CAMTA1: variants seen among roughly 807,000 people sequenced by gnomAD.
CAMTA1 encodes calmodulin-binding transcription activator 1.
Under a neutral mutation model 170.9 loss-of-function variants are expected in CAMTA1, and 27 were observed. That is an observed-to-expected ratio of 0.16 (90% CI 0.12 to 0.22). CAMTA1 has a LOEUF of 0.22. Among genes scored for constraint, CAMTA1 ranks in the 10% least tolerant of loss-of-function variants. The pLI, the probability that CAMTA1 is intolerant of heterozygous loss-of-function variation, is 1.00. For missense variants in CAMTA1, 1,619 were observed against 2,217.2 expected (o/e 0.73, Z 5.42); for synonymous variants, 833 against 891.5 (o/e 0.93, Z 1.17).
At chr1:7,758,519 G>A (rs544981738) in intron 22 of CAMTA1, among the ~76,000 whole-genome samples, 5 of 152,240 alleles carry the variant, frequency 3.3e-5, no homozygotes, top group Admixed American at 1.3e-4. Flanking sequence ...TCTCTCCCTC[G>A]TTCTTCCATC....
intron 3 of CAMTA1, among the ~76,000 whole-genome samples, chr1:7,025,496 G>T (rs971965626): frequency 2.0e-5 from 3 of 152,316 alleles, no homozygotes; most frequent in Middle Eastern, 3.4e-3. Flanking sequence ...TGGCCTTACT[G>T]GGGTGGGGGA....
At chr1:7,387,518 C>T (rs1172028495) in intron 5 of CAMTA1, among the ~76,000 whole-genome samples, 5 of 152,206 alleles carry the variant, frequency 3.3e-5, no homozygotes, top group Non-Finnish European at 7.3e-5. Flanking sequence ...GTCCCAGCTG[C>T]CCTAGACCCC....
intron 4 of CAMTA1, among the ~76,000 whole-genome samples, chr1:7,103,832 AACT>A (rs200926870): frequency 0.46 from 62,412 of 136,696 alleles, 13,666 homozygotes; most frequent in African/African-American, 0.62. Flanking sequence ...ATGCACACAC[AACT>A]ACACACATGT....
chr1:7,047,648 T>C (rs1456267976), intron 3 of CAMTA1, among the ~76,000 whole-genome samples: 5 of 152,088 alleles, frequency 3.3e-5, no homozygotes, highest in Non-Finnish European at 5.9e-5. Context: ...AGTGGTTGCA[T>C]GTCTCGAAGC....
chr1:7,122,754 A>G (rs1644718515), intron 4 of CAMTA1, among the ~76,000 whole-genome samples: 1 of 152,106 alleles, frequency 6.6e-6, no homozygotes, highest in Non-Finnish European at 1.5e-5. Flanking sequence ...TGCGCCTCCC[A>G]TGCCCATCTT....
At chr1:7,431,682 C>T (rs921547687) in intron 5 of CAMTA1, among the ~76,000 whole-genome samples, 1 of 152,226 alleles carries the variant, frequency 6.6e-6, no homozygotes, top group Non-Finnish European at 1.5e-5. Context: ...TACCCCAGCC[C>T]ATCTGCAGAT....
At chr1:6,926,411 C>CTT (rs1557837141) in intron 3 of CAMTA1, among the ~76,000 whole-genome samples, 3 of 144,878 alleles carry the variant, frequency 2.1e-5, no homozygotes, top group African/African-American at 7.6e-5. Flanking sequence ...TCCCTCCTCT[C>CTT]TCTTTTCTTT....
intron 1 of CAMTA1, among the ~76,000 whole-genome samples, chr1:6,797,542 C>T (rs1343041299): frequency 1.3e-5 from 2 of 151,802 alleles, no homozygotes; most frequent in Non-Finnish European, 2.9e-5. Context: ...TGCACCACCA[C>T]GCCTAGCTAA....
chr1:7,573,544 C>T (rs2095150512), intron 6 of CAMTA1, among the ~76,000 whole-genome samples: 1 of 152,208 alleles, frequency 6.6e-6, no homozygotes, highest in African/African-American at 2.4e-5. Flanking sequence ...TGTCCAAAAC[C>T]ACAGCGCCAG....
Position 7,004,841 on chromosome 1 carries a change from C to T in CAMTA1, c.235-86463C>T, listed in dbSNP as rs58530785. On this transcript the variant is annotated intron_variant, in intron 3 of 22. Transcript: ENST00000303635. The stretch of plus-strand genomic sequence containing the variant: ...AGAGTGCAATGGCACGATCTCAGCT[C>T]ACTGTAACTTCTGCCTCCCAGGTTC... 3.9e-3 allele frequency among the ~76,000 whole-genome samples: 597 copies of T among 152,360 alleles called. 5 individuals are homozygous for T. Among genetic ancestry groups the T allele is most frequent in the African/African-American group, 0.014 (584 of 41,584 alleles).
rs575311777 is a variant in CAMTA1 at position 7,729,867 on chromosome 1, C to T, written c.2915-2581C>T. ...TTTTCTCTCACATGGAACCGTCGTA[C>T]GCTTTGCTCGCTAGTCTTGGAATTT... On this transcript the variant is annotated intron_variant, in intron 11 of 22. Transcript: ENST00000303635. 1.2e-4 allele frequency among the ~76,000 whole-genome samples: 18 copies of T among 152,340 alleles called. No homozygotes were observed. In the South Asian group the frequency reaches 2.3e-3, roughly 19 times the overall value.
rs2149353862 is a variant in CAMTA1, at chr1:7,685,748, T to C, written c.2914+8015T>C. Among the ~76,000 whole-genome samples the C allele has an allele frequency of 6.6e-6, 1 of 152,324 alleles. No homozygotes were observed. Among genetic ancestry groups the C allele is most frequent in the Middle Eastern group, 3.4e-3 (1 of 294 alleles). On this transcript the variant is annotated intron_variant, in intron 11 of 22. Coordinates refer to ENST00000303635, the MANE Select transcript of CAMTA1 (RefSeq NM_015215.4). The surrounding 1 kb of genome is among the most constrained non-coding windows in gnomAD (Gnocchi z 5.7). ...GATGGCTGCCCCTCTGTTTGTCTTCTTGGATCCAGGCCATCCATCTAACGG... is the reference window on the plus strand; with the variant it reads ...GATGGCTGCCCCTCTGTTTGTCTTCCTGGATCCAGGCCATCCATCTAACGG...
At chr1:7,253,325 T>G (rs1666899039) in intron 5 of CAMTA1, among the ~76,000 whole-genome samples, 1 of 152,084 alleles carries the variant, frequency 6.6e-6, no homozygotes, top group Admixed American at 6.6e-5. Flanking sequence ...TAGTCAGAGG[T>G]GATGCTGTTC....
intron 4 of CAMTA1, among the ~76,000 whole-genome samples, chr1:7,135,514 G>A (rs1645491736): frequency 6.6e-6 from 1 of 152,168 alleles, no homozygotes; most frequent in African/African-American, 2.4e-5. Flanking sequence ...AAGCAGTTTG[G>A]AGACCTCTTA....
intron 4 of CAMTA1, among the ~76,000 whole-genome samples, chr1:7,185,705 G>A (rs1653117341): frequency 6.6e-6 from 1 of 152,188 alleles, no homozygotes. Context: ...TTTGAAGAAT[G>A]AAGGACCTGA....
At chr1:7,639,826 C>T (rs902022730) in intron 6 of CAMTA1, among the ~76,000 whole-genome samples, 1 of 151,866 alleles carries the variant, frequency 6.6e-6, no homozygotes, top group Non-Finnish European at 1.5e-5. Flanking sequence ...GAGAAGACCA[C>T]GGCTGAAGGC....
At chr1:7,019,794 A>G (rs1214697592) in intron 3 of CAMTA1, among the ~76,000 whole-genome samples, 1 of 152,116 alleles carries the variant, frequency 6.6e-6, no homozygotes, top group Non-Finnish European at 1.5e-5. Flanking sequence ...AAGTGAGTTC[A>G]CCTGTGTCCC....
At chr1:7,363,403 G>A (rs1255531242) in intron 5 of CAMTA1, among the ~76,000 whole-genome samples, 1 of 152,020 alleles carries the variant, frequency 6.6e-6, no homozygotes, top group African/African-American at 2.4e-5. Flanking sequence ...TGTAACACTC[G>A]TGTCTCGGAG....
chr1:7,730,928 C>CTCTCTCTCTCTCTCTA (rs1478235304), intron 11 of CAMTA1, among the ~76,000 whole-genome samples: 2 of 114,196 alleles, frequency 1.8e-5, no homozygotes, highest in African/African-American at 6.3e-5. Flanking sequence ...CTCTCTCTCT[C>CTCTCTCTCTCTCTCTA]TATATATATA....
Sources: allele counts gnomAD v4.1 joint callset (sites outside exome capture counted in the v4.1 genomes callset), GRCh38; gene constraint gnomAD v4.1.1; non-coding constraint Gnocchi (gnomAD v3.1); transcripts MANE v1.5; gene names NCBI Gene and HGNC (gene_info 2026-07-23, HGNC 2026-07-21).